GAREM1: variants seen among roughly 807,000 people sequenced by gnomAD.
The protein encoded by GAREM1 is GRB2-associated and regulator of MAPK protein 1.
In GAREM1, 26 loss-of-function variants were observed where a neutral mutation model predicts 71.3. That is an observed-to-expected ratio of 0.36 (90% CI 0.27 to 0.51). GAREM1 has a LOEUF of 0.51. GAREM1 is among the 20% of genes least tolerant of loss of function. The probability of loss-of-function intolerance (pLI) is 0.95; values close to 1 mark genes in which losing one functional copy is unlikely to be tolerated. For synonymous variants in GAREM1, 440 were observed against 433.2 expected, an observed-to-expected ratio of 1.02 and a Z score of -0.20; for missense variants, 1,026 against 1,103.1, an observed-to-expected ratio of 0.93 and a Z score of 0.99.
At chr18:32,337,966 T>C (rs1404000866) in intron 2 of GAREM1, among the ~76,000 whole-genome samples, 1 of 152,112 alleles carries the variant, frequency 6.6e-6, no homozygotes, top group African/African-American at 2.4e-5. Flanking sequence ...GAAGGAGGCA[T>C]ACCACAAGAC....
intron 1 of GAREM1, among the ~76,000 whole-genome samples, chr18:32,457,749 CTTTT>C (rs1017376217): frequency 1.3e-5 from 2 of 151,998 alleles, no homozygotes; most frequent in Non-Finnish European, 2.9e-5. Flanking sequence ...GTGATATGTA[CTTTT>C]TTAATTATTA....
rs2041372162 is a variant in GAREM1 at position 32,266,214 on chromosome 18, C to A, written c.*1657G>T. On this transcript the variant is annotated 3_prime_UTR_variant, in exon 6 of 6. Coordinates refer to ENST00000269209, the MANE Select transcript of GAREM1 (RefSeq NM_001242409.2). ...AAACCACGATATGGATTAAAAATAT[C>A]TTTCTTCTAATGCCAAGAAATAAAG... 6.6e-6 allele frequency: 1 copy of A among 152,076 alleles called. No individual in the cohort carries two copies. Among genetic ancestry groups the A allele is most frequent in the Admixed American group, 6.6e-5 (1 of 15,252 alleles). 9.4% of individuals were successfully genotyped at this position (152,076 alleles called of 1,614,324 possible).
chr18:32,345,077 A>G (rs182466515), intron 2 of GAREM1, among the ~76,000 whole-genome samples: 1 of 152,184 alleles, frequency 6.6e-6, no homozygotes, highest in African/African-American at 2.4e-5. Context: ...AAACAAAAAC[A>G]AAAACCAAAA....
chr18:32,460,699 T>C (rs1320703465), intron 1 of GAREM1, among the ~76,000 whole-genome samples: 1 of 152,202 alleles, frequency 6.6e-6, no homozygotes, highest in Non-Finnish European at 1.5e-5. Context: ...GCTTGTTTGC[T>C]TAGAAGTAAA....
At chr18:32,461,976 GAA>G (rs1258791632) in intron 1 of GAREM1, among the ~76,000 whole-genome samples, 2 of 152,278 alleles carry the variant, frequency 1.3e-5, no homozygotes, top group East Asian at 3.9e-4. Context: ...GCCAATGAGT[GAA>G]AGAGACTAAA....
At chr18:32,344,684 G>A (rs1029123931) in intron 2 of GAREM1, among the ~76,000 whole-genome samples, 3 of 152,078 alleles carry the variant, frequency 2.0e-5, no homozygotes, top group Non-Finnish European at 4.4e-5. Context: ...AAACACTGTC[G>A]AATGATAAAA....
At chr18:32,418,664 T>C (rs1367979841) in intron 1 of GAREM1, among the ~76,000 whole-genome samples, 3 of 152,060 alleles carry the variant, frequency 2.0e-5, no homozygotes, top group African/African-American at 2.4e-5. Flanking sequence ...ATACCAAGTA[T>C]CATAATACAA....
intron 1 of GAREM1, among the ~76,000 whole-genome samples, chr18:32,432,095 A>C (rs1474334724): frequency 1.3e-5 from 2 of 152,210 alleles, no homozygotes; most frequent in Non-Finnish European, 2.9e-5. Context: ...TGGCAACAGA[A>C]GGAAACTGGA....
At chr18:32,271,822 G>A (rs1037525572) in intron 4 of GAREM1, among the ~76,000 whole-genome samples, 2 of 152,064 alleles carry the variant, frequency 1.3e-5, no homozygotes, top group African/African-American at 2.4e-5. Context: ...TCCATTCCTT[G>A]CAGGCATTTC....
chr18:32,313,702 G>A (rs902997568), intron 2 of GAREM1, among the ~76,000 whole-genome samples: 1 of 152,224 alleles, frequency 6.6e-6, no homozygotes, highest in Non-Finnish European at 1.5e-5. Flanking sequence ...GTGGACAAGC[G>A]GTTTAAAGCA....
At chr18:32,296,618 A>G (rs1374227130) in intron 3 of GAREM1, among the ~76,000 whole-genome samples, 1 of 151,948 alleles carries the variant, frequency 6.6e-6, no homozygotes, top group African/African-American at 2.4e-5. Flanking sequence ...TTTATAAATG[A>G]CAGTGCTTGA....
intron 2 of GAREM1, among the ~76,000 whole-genome samples, chr18:32,365,293 T>C (rs896495004): frequency 3.3e-5 from 5 of 152,248 alleles, no homozygotes; most frequent in Admixed American, 1.3e-4. Context: ...CAATGTCAGA[T>C]GTTCTATTCT....
chr18:32,445,236 C>T (rs1453285996), intron 1 of GAREM1, among the ~76,000 whole-genome samples: 3 of 152,004 alleles, frequency 2.0e-5, no homozygotes, highest in African/African-American at 7.3e-5. Flanking sequence ...CTAATGAATG[C>T]AGGTGGGAAA....
At chr18:32,372,603 A>G (rs1361796432) in intron 2 of GAREM1, among the ~76,000 whole-genome samples, 3 of 152,220 alleles carry the variant, frequency 2.0e-5, no homozygotes, top group Admixed American at 2.0e-4. Context: ...TCAGAAAGGG[A>G]CAAGTCCCAC....
chr18:32,280,462 G>A (rs892630362), intron 4 of GAREM1, among the ~76,000 whole-genome samples: 4 of 152,096 alleles, frequency 2.6e-5, no homozygotes, highest in African/African-American at 7.2e-5. Context: ...TGGTTTGCCC[G>A]GGAATACCAG....
At chr18:32,398,035 T>G (rs377460762) in intron 1 of GAREM1, among the ~76,000 whole-genome samples, 28 of 152,160 alleles carry the variant, frequency 1.8e-4, no homozygotes, top group African/African-American at 3.1e-4. Flanking sequence ...CAACTACATG[T>G]AAACTGAACA....
intron 1 of GAREM1, among the ~76,000 whole-genome samples, chr18:32,466,220 C>T (rs1192860938): frequency 2.0e-5 from 3 of 151,400 alleles, no homozygotes; most frequent in African/African-American, 4.9e-5. Context: ...CAATAGAATA[C>T]TTTCAAGCAT....
At chr18:32,340,306 A>G (rs1319604723) in intron 2 of GAREM1, among the ~76,000 whole-genome samples, 4 of 152,202 alleles carry the variant, frequency 2.6e-5, no homozygotes, top group Non-Finnish European at 5.9e-5. Flanking sequence ...TGTAATTATA[A>G]CTAGGATCCA....
At chr18:32,334,824 C>T (rs1275520481) in intron 2 of GAREM1, among the ~76,000 whole-genome samples, 1 of 152,204 alleles carries the variant, frequency 6.6e-6, no homozygotes, top group Admixed American at 6.5e-5. Flanking sequence ...CCATTTCCCT[C>T]TTCTTGGTAG....
Sources: gnomAD v4.1 joint callset for allele counts (sites outside exome capture counted in the v4.1 genomes callset) on GRCh38, gnomAD v4.1.1 for gene constraint, MANE v1.5 for transcripts, NCBI Gene and HGNC (gene_info 2026-07-23, HGNC 2026-07-21) for gene names.